The following PIK3C2G variants were observed in gnomAD, a reference collection of about 807,000 sequenced individuals.
The protein encoded by PIK3C2G is phosphatidylinositol-4-phosphate 3-kinase catalytic subunit type 2 gamma.
Under a neutral mutation model 181.1 loss-of-function variants are expected in PIK3C2G, and 168 were observed. The ratio of observed to expected loss-of-function variants is 0.93; its 90% confidence interval spans 0.82 to 1.05. The LOEUF is 1.05. Ranked by LOEUF, PIK3C2G falls within the 50% of genes least tolerant of loss-of-function variation. The pLI, the probability that PIK3C2G is intolerant of heterozygous loss-of-function variation, is 0.00. For missense variants in PIK3C2G, 1,869 were observed against 1,732.8 expected (o/e 1.08, Z -1.40); for synonymous variants, 573 against 592.2 (o/e 0.97, Z 0.47).
chr12:18,309,119 A>C (rs1950538895), intron 5 of PIK3C2G, among the ~76,000 whole-genome samples: 1 of 129,444 alleles, frequency 7.7e-6, no homozygotes, highest in South Asian at 2.8e-4. Context: ...TAAAATTTAG[A>C]TACAATGTGG....
intron 11 of PIK3C2G, among the ~76,000 whole-genome samples, chr12:18,361,481 T>C (rs1167628202): frequency 6.6e-6 from 1 of 152,096 alleles, no homozygotes; most frequent in Non-Finnish European, 1.5e-5. Flanking sequence ...ATATGTGCAT[T>C]TGCAAAAACA....
intron 1 of PIK3C2G, among the ~76,000 whole-genome samples, chr12:18,265,019 T>G (rs1472232127): frequency 6.6e-6 from 1 of 152,240 alleles, no homozygotes; most frequent in African/African-American, 2.4e-5. Context: ...TAACATTCTC[T>G]TCTCATAGTA....
chr12:18,559,819 TATAGAGAGAGAG>T (rs1203833219), intron 26 of PIK3C2G, among the ~76,000 whole-genome samples: 1 of 19,930 alleles, frequency 5.0e-5, no homozygotes, highest in African/African-American at 1.8e-4. Context: ...TATATATATA[TATAGAGAGAGAG>T]AGAGAGAGAG....
intron 24 of PIK3C2G, among the ~76,000 whole-genome samples, chr12:18,512,925 T>G (rs1395831133): frequency 1.3e-5 from 2 of 151,936 alleles, no homozygotes; most frequent in Non-Finnish European, 2.9e-5. Flanking sequence ...AAATTAGCTA[T>G]GAGTTTGTCA....
the PIK3C2G span, among the ~76,000 whole-genome samples, chr12:18,689,696 A>C: frequency 6.6e-6 from 1 of 152,186 alleles, no homozygotes; most frequent in Admixed American, 6.6e-5. Context: ...TACCCATAAG[A>C]TTTTGGATTT....
Position 18,362,817 on chromosome 12 carries a change from G to A in PIK3C2G, c.1679G>A (p.Cys560Tyr). The part of the protein sequence containing the change: ...CWLTYAGKKL[C>Y]QVRNYRNIPD... The stretch of plus-strand genomic sequence containing the variant: ...CTTACATATGCTGGAAAGAAGCTGT[G>A]CCAAGTGAGAAACTACAGAAATATT... Residue 560 changes from cysteine (C) to tyrosine (Y), a missense_variant, in exon 12 of 33, where the codon TGC becomes TAC. By Grantham distance (194) the Cys-to-Tyr change is radical (BLOSUM62 -2). Transcript: ENST00000538779. 1 of 1,523,464 alleles carries A rather than the reference G, an allele frequency of 6.6e-7. No individual in the cohort carries two copies. Among genetic ancestry groups the A allele is most frequent in the Non-Finnish European group, 8.8e-7 (1 of 1,140,796 alleles). 94.4% of individuals were successfully genotyped at this position (1,523,464 alleles called of 1,614,324 possible).
At chr12:18,650,702 GTGTATATATCTATATATATATA>G (rs1950443995), downstream of PIK3C2G, among the ~76,000 whole-genome samples, 36 of 27,692 alleles carry the variant, frequency 1.3e-3, 1 homozygote, top group African/African-American at 2.2e-3. Context: ...GTGTGTGTGT[GTGTATATATCTATATATATATA>G]TATATATATA....
chr12:18,684,216 A>G, the PIK3C2G span: 1 of 1,611,784 alleles, frequency 6.2e-7, no homozygotes, highest in Non-Finnish European at 8.5e-7. Flanking sequence ...AACAAAACGT[A>G]TCAATGCCAA....
intron 28 of PIK3C2G, among the ~76,000 whole-genome samples, chr12:18,564,829 G>A (rs1183829862): frequency 6.6e-6 from 1 of 152,064 alleles, no homozygotes; most frequent in African/African-American, 2.4e-5. Context: ...TAATTGAGAA[G>A]AATATGTTAA....
At chr12:18,621,874 T>A (rs1388569478) in intron 31 of PIK3C2G, among the ~76,000 whole-genome samples, 1 of 151,434 alleles carries the variant, frequency 6.6e-6, no homozygotes, top group Non-Finnish European at 1.5e-5. Context: ...ATATTAACAA[T>A]CAACACACAC....
chr12:18,579,162 A>T (rs1025709902), intron 29 of PIK3C2G, among the ~76,000 whole-genome samples: 3 of 152,196 alleles, frequency 2.0e-5, no homozygotes, highest in Non-Finnish European at 4.4e-5. Context: ...GTTGCAGACA[A>T]GAAATTAGAG....
At chr12:18,511,310 C>A (rs1457521701) in intron 24 of PIK3C2G, among the ~76,000 whole-genome samples, 1 of 152,042 alleles carries the variant, frequency 6.6e-6, no homozygotes, top group Non-Finnish European at 1.5e-5. Context: ...ATTCTTGCAA[C>A]ATATTGATTT....
At chr12:18,630,452 C>G (rs924389743) in intron 31 of PIK3C2G, among the ~76,000 whole-genome samples, 1 of 151,884 alleles carries the variant, frequency 6.6e-6, no homozygotes, top group Non-Finnish European at 1.5e-5. Flanking sequence ...AGCCTGATTC[C>G]AAGCAAAAAC....
the PIK3C2G span, chr12:18,719,300 T>G: frequency 2.1e-6 from 1 of 479,746 alleles, no homozygotes; most frequent in African/African-American, 2.0e-5. Context: ...AAGTAAAAAT[T>G]TCTATTCCCT....
chr12:18,409,651 A>G (rs1944743597), intron 16 of PIK3C2G, among the ~76,000 whole-genome samples: 1 of 152,218 alleles, frequency 6.6e-6, no homozygotes, highest in African/African-American at 2.4e-5. Flanking sequence ...CAATGATGTA[A>G]TTAAATGAAC....
At chr12:18,363,091 G>A in intron 12 of PIK3C2G, 1 of 408,962 alleles carries the variant, frequency 2.4e-6, no homozygotes, top group South Asian at 4.3e-5. Flanking sequence ...CTAGACAAGT[G>A]TCCAATTCAC....
chr12:18,528,371 A>G lies in PIK3C2G; in HGVS notation c.3324-9785A>G, dbSNP rs191293417. On this transcript the variant is annotated intron_variant, in intron 24 of 32. Coordinates refer to ENST00000538779, the MANE Select transcript of PIK3C2G (RefSeq NM_001288772.2). ...CAACTTTTAGAAATCTTTAAACAAT[A>G]TACATTAATGTTATTATTATATTTC... Among the ~76,000 whole-genome samples, 3 of 152,328 alleles carry G rather than the reference A, an allele frequency of 2.0e-5. No individual in the cohort carries two copies. In the East Asian group the frequency reaches 5.8e-4, roughly 29 times the overall value.
the PIK3C2G span, chr12:18,723,528 C>T: frequency 6.2e-7 from 1 of 1,611,918 alleles, no homozygotes; most frequent in African/African-American, 1.3e-5. Flanking sequence ...TTCCTTGTTT[C>T]AGCCTGTCAT....
chr12:18,651,091 T>G (rs1016357168), downstream of PIK3C2G, among the ~76,000 whole-genome samples: 10 of 151,856 alleles, frequency 6.6e-5, no homozygotes, highest in African/African-American at 2.4e-4. Context: ...CATCCTCATC[T>G]CTCTGATTTT....
Sources: gnomAD v4.1 joint callset for allele counts (sites outside exome capture counted in the v4.1 genomes callset) on GRCh38, gnomAD v4.1.1 for gene constraint, MANE v1.5 for transcripts, NCBI Gene and HGNC (gene_info 2026-07-23, HGNC 2026-07-21) for gene names.